The following HECW2 variants were observed in gnomAD, a reference collection of about 807,000 sequenced individuals.
HECW2 encodes the protein E3 ubiquitin-protein ligase HECW2.
HECW2 carries 61 observed loss-of-function variants against 175.2 expected under a neutral mutation model. The ratio of observed to expected loss-of-function variants is 0.35; its 90% confidence interval spans 0.28 to 0.43. The LOEUF (loss-of-function observed/expected upper bound fraction) is 0.43, where lower values mean the gene tolerates loss of function less well. HECW2 is among the 20% of genes least tolerant of loss of function. The pLI is 1.00. For missense variants in HECW2, 1,524 were observed against 2,000.5 expected (o/e 0.76, Z 4.54); for synonymous variants, 671 against 731.0 (o/e 0.92, Z 1.32).
At chr2:196,574,128 C>T (rs1015026423) in intron 1 of HECW2, among the ~76,000 whole-genome samples, 1 of 150,560 alleles carries the variant, frequency 6.6e-6, no homozygotes, top group Non-Finnish European at 1.5e-5. Flanking sequence ...TTTACAATAG[C>T]GACAAAAAAC....
At position 196,196,774 on chromosome 2, in the gene HECW2, G is replaced by C. The variant is rs1019677468; in HGVS notation, c.*4503C>G. ...GATCATGCCACTGCACTCCAGCATG[G>C]GTGACAGCCAGACCTTATCACAAAT... On this transcript the variant is annotated 3_prime_UTR_variant, in exon 29 of 29. Coordinates refer to ENST00000644978, the MANE Select transcript of HECW2 (RefSeq NM_001348768.2). 4 of 152,408 alleles carry C rather than the reference G, an allele frequency of 2.6e-5. No homozygotes were observed. Among genetic ancestry groups the C allele is most frequent in the African/African-American group, 9.7e-5 (4 of 41,360 alleles). The allele number at this position is 152,408 out of a possible 1,614,324, so 9.4% of individuals were successfully genotyped here. A position where few individuals can be genotyped will look rare whatever the true frequency, so the allele number is the denominator to read the frequency against.
At chr2:196,278,149 T>TATATATATATATATATATAA (rs1481136211) in intron 15 of HECW2, among the ~76,000 whole-genome samples, 6 of 119,586 alleles carry the variant, frequency 5.0e-5, no homozygotes, top group African/African-American at 1.7e-4. Context: ...TATATATATA[T>TATATATATATATATATATAA]ATAAAGAAAT....
At chr2:196,389,603 T>C (rs549955407) in intron 2 of HECW2, among the ~76,000 whole-genome samples, 5 of 152,300 alleles carry the variant, frequency 3.3e-5, no homozygotes, top group African/African-American at 9.6e-5. Context: ...ATCTGCCTCC[T>C]GCCTCTGCAA....
chr2:196,487,175 C>G (rs1306246876), intron 1 of HECW2, among the ~76,000 whole-genome samples: 1 of 151,046 alleles, frequency 6.6e-6, no homozygotes, highest in African/African-American at 2.4e-5. Flanking sequence ...ATTAGCCAGG[C>G]ATGGTGGCTT....
rs374782289 is a variant in HECW2 at position 196,525,365 on chromosome 2, G to T, written c.-36+68143C>A. On this transcript the variant is annotated intron_variant, in intron 1 of 28. Coordinates refer to ENST00000644978, the MANE Select transcript of HECW2 (RefSeq NM_001348768.2). ...CTCCATCCTTTTATTTTGAGCCTAT[G>T]TGTGTCTCTGCACGTGAGATGGGTT... 2.2e-5 allele frequency among the ~76,000 whole-genome samples: 3 copies of T among 133,586 alleles called. No individual in the cohort carries two copies. In the East Asian group the frequency reaches 6.4e-4, roughly 28 times the overall value. 87.6% of individuals were successfully genotyped at this position (133,586 alleles called of 152,430 possible).
chr2:196,475,519 T>C (rs1003128651), intron 1 of HECW2, among the ~76,000 whole-genome samples: 6 of 152,104 alleles, frequency 3.9e-5, no homozygotes, highest in African/African-American at 1.2e-4. Flanking sequence ...GGGGATATTA[T>C]CAGAACTTCA....
chr2:196,285,573 T>C (rs1690355067), intron 14 of HECW2, among the ~76,000 whole-genome samples: 6 of 152,248 alleles, frequency 3.9e-5, no homozygotes, highest in Admixed American at 3.9e-4. Flanking sequence ...AGATTGTATT[T>C]ACTTACCCAT....
At chr2:196,258,082 G>T (rs959096200) in intron 17 of HECW2, 176 bp from the exon 18 acceptor site, 23 of 452,890 alleles carry the variant, frequency 5.1e-5, no homozygotes, top group African/African-American at 3.7e-4. Flanking sequence ...TGCCTTCAAG[G>T]GGGGGGATCT....
At chr2:196,503,710 A>C (rs1687652241) in intron 1 of HECW2, among the ~76,000 whole-genome samples, 1 of 152,152 alleles carries the variant, frequency 6.6e-6, no homozygotes, top group African/African-American at 2.4e-5. Flanking sequence ...AAACAAGAAA[A>C]AAGTGGAAAG....
In HECW2 at chr2:196,518,654, C is replaced by CCA. The variant is rs1491157764; in HGVS notation, c.-36+74853_-36+74854insTG. Reference sequence around the variant, plus strand: ...TAGGCAACAGAGCGAGATTCTGTCTCAAAAAAAAAAAAAAAAAAAAAAAAC... The same window carrying CCA: ...TAGGCAACAGAGCGAGATTCTGTCTCCAAAAAAAAAAAAAAAAAAAAAAAAAC... On this transcript the variant is annotated intron_variant, in intron 1 of 28. Coordinates refer to ENST00000644978, the MANE Select transcript of HECW2 (RefSeq NM_001348768.2). Among the ~76,000 whole-genome samples the CCA allele has an allele frequency of 3.4e-4, 26 of 77,432 alleles. No individual in the cohort carries two copies. In the East Asian group the frequency reaches 0.014, roughly 41 times the overall value. 50.8% of individuals were successfully genotyped at this position (77,432 alleles called of 152,430 possible).
At chr2:196,257,767 C>T in intron 18 of HECW2, 56 bp downstream of exon 18, 2 of 1,191,902 alleles carry the variant, frequency 1.7e-6, no homozygotes, top group Non-Finnish European at 2.5e-6. Context: ...TACAATGTTC[C>T]ATGATATCTG....
intron 2 of HECW2, among the ~76,000 whole-genome samples, chr2:196,380,796 T>C (rs1694187638): frequency 6.6e-6 from 1 of 152,152 alleles, no homozygotes; most frequent in Admixed American, 6.6e-5. Flanking sequence ...ATTGCAGAGC[T>C]GGGGAGACAG....
At chr2:196,367,876 T>TGTGTGTGTG (rs1553508124) in intron 2 of HECW2, among the ~76,000 whole-genome samples, 2,671 of 144,942 alleles carry the variant, frequency 0.018, 57 homozygotes, top group African/African-American at 0.043. Context: ...GTGTGTGTGT[T>TGTGTGTGTG]TGTGTGTGTG....
chr2:196,358,585 C>CAAAAAAAAAAAAAAAAAAAA (rs144181608), intron 2 of HECW2, among the ~76,000 whole-genome samples: 1 of 67,330 alleles, frequency 1.5e-5, no homozygotes, highest in African/African-American at 6.3e-5. Context: ...GACTCTGTCT[C>CAAAAAAAAAAAAAAAAAAAA]AAAAAAAAAA....
chr2:196,415,364 G>A (rs1263398282), intron 2 of HECW2, among the ~76,000 whole-genome samples: 1 of 152,198 alleles, frequency 6.6e-6, no homozygotes, highest in African/African-American at 2.4e-5. Flanking sequence ...ATCAAGAACT[G>A]GTTTTGCTTG....
intron 1 of HECW2, among the ~76,000 whole-genome samples, chr2:196,469,120 C>CGTGTGT (rs33984882): frequency 0.021 from 3,071 of 144,802 alleles, 43 homozygotes; most frequent in Non-Finnish European, 0.025. Flanking sequence ...TGTGTGTGTG[C>CGTGTGT]GTGTGTGTGT....
At chr2:196,304,656 T>G (rs1210654679) in intron 13 of HECW2, among the ~76,000 whole-genome samples, 2 of 152,202 alleles carry the variant, frequency 1.3e-5, no homozygotes, top group Non-Finnish European at 2.9e-5. Flanking sequence ...CTCTTCCTAT[T>G]AAAGCATGAT....
chr2:196,449,288 C>T (rs1053588330), intron 1 of HECW2, among the ~76,000 whole-genome samples: 4 of 152,194 alleles, frequency 2.6e-5, no homozygotes, highest in Admixed American at 6.5e-5. Context: ...TCTTCCCCAC[C>T]TCTGTCTCAT....
chr2:196,402,752 T>C (rs1364248333), intron 2 of HECW2, among the ~76,000 whole-genome samples: 1 of 152,032 alleles, frequency 6.6e-6, no homozygotes, highest in African/African-American at 2.4e-5. Flanking sequence ...AATGTGAATA[T>C]TGTAAATCAA....
Sources: allele counts gnomAD v4.1 joint callset (sites outside exome capture counted in the v4.1 genomes callset), GRCh38; gene constraint gnomAD v4.1.1; transcripts MANE v1.5; gene names NCBI Gene and HGNC (gene_info 2026-07-23, HGNC 2026-07-21).